Variants in GREB1L observed in about 807,000 individuals in gnomAD.
GREB1L encodes GREB1 like retinoic acid receptor coactivator.
A neutral mutation model predicts 200.8 loss-of-function variants in GREB1L; 17 were observed. That is an observed-to-expected ratio of 0.08 (90% CI 0.06 to 0.13). GREB1L has a LOEUF of 0.13. Among genes scored for constraint, GREB1L ranks in the 10% least tolerant of loss-of-function variants. The probability of loss-of-function intolerance (pLI) is 1.00; values close to 1 mark genes in which losing one functional copy is unlikely to be tolerated. For synonymous variants in GREB1L, 789 were observed against 893.0 expected (o/e 0.88, Z 2.08); for missense variants, 1,657 against 2,367.7 (o/e 0.70, Z 6.23).
intron 4 of GREB1L, among the ~76,000 whole-genome samples, chr18:21,388,331 A>T (rs1005573562): frequency 6.6e-6 from 1 of 152,166 alleles, no homozygotes; most frequent in African/African-American, 2.4e-5. Context: ...ATCCCCACAC[A>T]GTTTGCCCTA....
intron 27 of GREB1L, among the ~76,000 whole-genome samples, chr18:21,513,463 G>C (rs2037311339): frequency 6.6e-6 from 1 of 152,220 alleles, no homozygotes; most frequent in Non-Finnish European, 1.5e-5. Context: ...GAAGTAAACA[G>C]TAACAGCATT....
At chr18:21,499,689 C>A (rs2036694886) in intron 21 of GREB1L, 40 bp from the exon 22 acceptor site, 1 of 1,428,218 alleles carries the variant, frequency 7.0e-7, no homozygotes, top group Admixed American at 2.0e-5. Context: ...AGATCAGTAA[C>A]AGAGCTGCTG....
At position 21,373,412 on chromosome 18, in the gene GREB1L, C is replaced by A. The variant is rs905593794; in HGVS notation, c.-10+7276C>A. ...GCAATGGTGCTATCTCAGCTCACTG[C>A]AACCTCCGCGTCCCAGGTTCATGCG... On this transcript the variant is annotated intron_variant, in intron 2 of 32. Transcript: ENST00000424526. Among the ~76,000 whole-genome samples, 8 of 152,162 alleles carry A rather than the reference C, an allele frequency of 5.3e-5. 1 individual carries two copies. The highest frequency in any genetic ancestry group is 5.2e-4 in the Admixed American group (8 of 15,286).
At chr18:21,347,928 G>A (rs1345806540) in intron 1 of GREB1L, among the ~76,000 whole-genome samples, 4 of 139,590 alleles carry the variant, frequency 2.9e-5, no homozygotes, top group East Asian at 2.0e-4. Flanking sequence ...CACCACACTC[G>A]GCTAATTTTT....
chr18:21,412,483 A>C (rs1453195066), intron 7 of GREB1L, among the ~76,000 whole-genome samples: 1 of 152,196 alleles, frequency 6.6e-6, no homozygotes, highest in African/African-American at 2.4e-5. Flanking sequence ...AGATGTCTAC[A>C]CCTAGCACTA....
intron 1 of GREB1L, chr18:21,317,617 T>C (rs1252765644): frequency 1.3e-5 from 2 of 151,490 alleles, no homozygotes; most frequent in Non-Finnish European, 2.9e-5. Context: ...AATTAATCAA[T>C]AAATGTGCAA....
chr18:21,437,848 T>TA lies in GREB1L; in HGVS notation c.833-1671dup, dbSNP rs548410502. On this transcript the variant is annotated intron_variant, in intron 7 of 32. Coordinates refer to ENST00000424526, the MANE Select transcript of GREB1L (RefSeq NM_001142966.3). ...CCAACTGTTTTAAAAAAATATTTTT[T>TA]AACAGATAATTAAAAGATAGTTGGG... Among the ~76,000 whole-genome samples the TA allele has an allele frequency of 1.8e-3, 267 of 152,342 alleles. 1 individual carries two copies. The Middle Eastern group carries it at 0.037, about 21-fold the overall frequency.
chr18:21,329,242 T>A (rs1402794766), intron 1 of GREB1L, among the ~76,000 whole-genome samples: 2 of 150,860 alleles, frequency 1.3e-5, no homozygotes, highest in Admixed American at 1.3e-4. Flanking sequence ...CGAGAATGGC[T>A]TAAGCCTGGG....
At chr18:21,454,234 AAT>A in intron 14 of GREB1L, 130 bp from the exon 15 acceptor site, 1 of 649,504 alleles carries the variant, frequency 1.5e-6, no homozygotes, top group Middle Eastern at 4.2e-4. Context: ...AGAGAGTGCA[AAT>A]AGCAGGTGAG....
At position 21,473,139 on chromosome 18, in the gene GREB1L, T is replaced by A; in HGVS notation, c.2291T>A (p.Met764Lys). The change falls in exon 16 of 33, where the codon ATG becomes AAG. Residue 764 changes from methionine to lysine, a missense_variant. Physicochemically the swap from Met to Lys is moderately conservative, Grantham distance 95. This residue lies in a region of GREB1L where 239 missense variants were observed against 421.8 expected (regional missense o/e 0.57). Transcript: ENST00000424526. The part of the protein sequence containing the change: ...NEIQTKFEVF[M>K]RRVKQNPYTL... ...ATTCAAACCAAGTTTGAAGTTTTTATGAGGAGAGTGAAACAGAACCCGTAC... is the reference window on the plus strand; with the variant it reads ...ATTCAAACCAAGTTTGAAGTTTTTAAGAGGAGAGTGAAACAGAACCCGTAC... The A allele has an allele frequency of 1.3e-6, 2 of 1,550,832 alleles. No homozygotes were observed. The highest frequency in any genetic ancestry group is 1.7e-6 in the Non-Finnish European group (2 of 1,146,510).
chr18:21,252,737 G>A (rs1169255005), intron 1 of GREB1L, among the ~76,000 whole-genome samples: 5 of 151,098 alleles, frequency 3.3e-5, no homozygotes, highest in Non-Finnish European at 7.4e-5. Context: ...GCGTCATGGC[G>A]GGTGCCTGTA....
chr18:21,250,686 CTGTT>C (rs1394024759), intron 1 of GREB1L, among the ~76,000 whole-genome samples: 2 of 152,176 alleles, frequency 1.3e-5, no homozygotes, highest in Non-Finnish European at 2.9e-5. Context: ...ACATGTATAT[CTGTT>C]TGGGGTATTC....
At chr18:21,263,191 C>G (rs969927654) in intron 1 of GREB1L, among the ~76,000 whole-genome samples, 3 of 152,186 alleles carry the variant, frequency 2.0e-5, no homozygotes, top group Admixed American at 2.0e-4. Context: ...TTGTTTCAGC[C>G]AGACAATGGA....
intron 4 of GREB1L, among the ~76,000 whole-genome samples, chr18:21,386,208 A>G (rs1159184383): frequency 6.6e-6 from 1 of 152,022 alleles, no homozygotes; most frequent in Non-Finnish European, 1.5e-5. Context: ...ATTAATGTCC[A>G]TTTTTTTCCC....
intron 1 of GREB1L, among the ~76,000 whole-genome samples, chr18:21,253,075 G>A (rs1281864426): frequency 6.6e-6 from 1 of 151,926 alleles, no homozygotes; most frequent in African/African-American, 2.4e-5. Flanking sequence ...ACAGAGCTTT[G>A]TTGGATTTTA....
Position 21,403,979 on chromosome 18 carries a change from G to A in GREB1L, c.817G>A (p.Gly273Arg). 1 of 1,551,494 alleles carries A rather than the reference G, an allele frequency of 6.4e-7. No homozygotes were observed. The highest frequency in any genetic ancestry group is 8.7e-7 in the Non-Finnish European group (1 of 1,146,476). ...TGGGACAACTAATGGATACAAATCA[G>A]GATTCACTCAGACAGGTATGGGATA... ...ENGTTNGYKS[G>R]FTQTDAANGN... The change falls in exon 7 of 33, where the codon GGA (glycine) becomes AGA (arginine). Residue 273 changes from glycine to arginine, a missense_variant. Physicochemically the swap from Gly to Arg is moderately radical, Grantham distance 125 (BLOSUM62 -2). Around this residue, in one of 9 missense-constraint regions of GREB1L, gnomAD observed 289 missense variants for 345.1 expected, o/e 0.84. Transcript: ENST00000424526.
chr18:21,496,880 C>A (rs1872989890), intron 21 of GREB1L, among the ~76,000 whole-genome samples, 182 bp downstream of exon 21: 1 of 152,152 alleles, frequency 6.6e-6, no homozygotes, highest in Admixed American at 6.5e-5. Context: ...TGTTGAACAG[C>A]CACAAAATAC....
chr18:21,384,295 G>A lies in GREB1L; in HGVS notation c.247G>A (p.Val83Ile). 1 of 1,550,754 alleles carries A rather than the reference G, an allele frequency of 6.4e-7. No homozygotes were observed. The highest frequency in any genetic ancestry group is 8.7e-7 in the Non-Finnish European group (1 of 1,146,082). ...GSLDFSNNLT[V>I]NEMEDDEDDE... ...TCTGGATTTTTCTAACAATCTAACAGTTAATGAAATGGAAGATGATGAAGA... is the reference window on the plus strand; with the variant it reads ...TCTGGATTTTTCTAACAATCTAACAATTAATGAAATGGAAGATGATGAAGA... Residue 83 changes from valine (V) to isoleucine (I), a missense_variant, in exon 4 of 33, where the codon GTT becomes ATT. Around this residue, in one of 9 missense-constraint regions of GREB1L, gnomAD observed 121 missense variants for 126.6 expected, o/e 0.96. Transcript: ENST00000424526.
intron 1 of GREB1L, among the ~76,000 whole-genome samples, chr18:21,321,703 A>C (rs2038954278): frequency 6.6e-6 from 1 of 151,960 alleles, no homozygotes; most frequent in African/African-American, 2.4e-5. Flanking sequence ...AAACAAAAAC[A>C]AAAAAAATGC....
Sources: gnomAD v4.1 joint callset for allele counts (sites outside exome capture counted in the v4.1 genomes callset) on GRCh38, gnomAD v4.1.1 for gene constraint, gnomAD v4.1.1 regional missense constraint, MANE v1.5 for transcripts, NCBI Gene and HGNC (gene_info 2026-07-23, HGNC 2026-07-21) for gene names.